Variants in WT1 observed in about 807,000 individuals in gnomAD.
WT1 encodes WT1 transcription factor.
In WT1, 8 loss-of-function variants were observed where a neutral mutation model predicts 60.8. That is an observed-to-expected ratio of 0.13 (90% confidence interval 0.08 to 0.24). The LOEUF (loss-of-function observed/expected upper bound fraction) is 0.24. Among genes scored for constraint, WT1 ranks in the 10% least tolerant of loss-of-function variants. The probability of loss-of-function intolerance (pLI) is 1.00; values close to 1 mark genes in which losing one functional copy is unlikely to be tolerated. For synonymous variants in WT1, 312 were observed against 297.1 expected (o/e 1.05, Z -0.52); for missense variants, 568 against 711.8 (o/e 0.80, Z 2.30).
At chr11:32,428,172 G>T in intron 2 of WT1, 114 bp from the exon 3 acceptor site, 1 of 1,046,062 alleles carries the variant, frequency 9.6e-7, no homozygotes, top group Non-Finnish European at 1.4e-6. Flanking sequence ...ACTGGGGCCT[G>T]GATGAGCGGC....
Position 32,435,034 on chromosome 11 carries a change from C to G in WT1, c.327G>C (p.Pro109=), listed in dbSNP as rs777059515. Reference sequence around the variant, plus strand: ...CGCCCGGGGGCGCAAAGTCCAGCACCGGCGCCCACTGCGCCGCGCCGCTCA... The same window carrying G: ...CGCCCGGGGGCGCAAAGTCCAGCACGGGCGCCCACTGCGCCGCGCCGCTCA... The change falls in exon 1 of 10, where the codon CCG becomes CCC. Residue 109 remains proline (P), a synonymous_variant. Transcript: ENST00000452863. 7 of 1,464,164 alleles carry G rather than the reference C, an allele frequency of 4.8e-6. No individual in the cohort carries two copies. The African/African-American group carries it at 7.5e-5, about 16-fold the overall frequency. The allele number at this position is 1,464,164 out of a possible 1,614,324, so 90.7% of individuals were successfully genotyped here. A position where few individuals can be genotyped will look rare whatever the true frequency, so the allele number is the denominator to read the frequency against.
At chr11:32,399,796 A>G in intron 6 of WT1, 152 bp downstream of exon 6, 5 of 831,166 alleles carry the variant, frequency 6.0e-6, no homozygotes, top group Non-Finnish European at 9.8e-6. Context: ...TATCAGACCC[A>G]GGGGACGAGC....
chr11:32,401,746 G>T (rs918334160), intron 5 of WT1, among the ~76,000 whole-genome samples: 2 of 152,052 alleles, frequency 1.3e-5, no homozygotes, highest in Non-Finnish European at 2.9e-5. Flanking sequence ...CACCATGTTG[G>T]CCAGGCCAGT....
At chr11:32,415,665 G>A (rs1358191053) in intron 5 of WT1, among the ~76,000 whole-genome samples, 1 of 152,102 alleles carries the variant, frequency 6.6e-6, no homozygotes, top group Non-Finnish European at 1.5e-5. Flanking sequence ...AAAGAGAATG[G>A]GTAGAAAGAC....
At chr11:32,419,830 A>G (rs773594384) in intron 3 of WT1, among the ~76,000 whole-genome samples, 1 of 152,206 alleles carries the variant, frequency 6.6e-6, no homozygotes, top group Non-Finnish European at 1.5e-5. Flanking sequence ...AGTAGCTGGG[A>G]CTACAGGCAT....
chr11:32,409,543 C>T (rs140258765), intron 5 of WT1, among the ~76,000 whole-genome samples: 1 of 152,112 alleles, frequency 6.6e-6, no homozygotes, highest in Non-Finnish European at 1.5e-5. Context: ...ACTGCAGCCT[C>T]AAACTCCTGG....
At position 32,434,766 on chromosome 11, in the gene WT1, T is replaced by C. The variant is rs1307678573; in HGVS notation, c.595A>G (p.Arg199Gly). The change falls in exon 1 of 10, where the codon AGG (arginine) becomes GGG (glycine). Residue 199 changes from arginine to glycine, a missense_variant. Arg to Gly is a moderately radical substitution (Grantham distance 125). Transcript: ENST00000452863. ...AGGTAGGGCGCGTTAGGAAACATCCTGGCCTGGCCGGATGACGCCTGGCTG... is the reference window on the plus strand; with the variant it reads ...AGGTAGGGCGCGTTAGGAAACATCCCGGCCTGGCCGGATGACGCCTGGCTG... 1 of 1,612,710 alleles carries C rather than the reference T, an allele frequency of 6.2e-7. No individual in the cohort carries two copies. The highest frequency in any genetic ancestry group is 8.5e-7 in the Non-Finnish European group (1 of 1,179,910).
rs139539028 is a variant in WT1 at position 32,410,183 on chromosome 11, G to A, written c.1016+6307C>T. ...TGACCTCAAGTGATCCACCTGCCTC[G>A]GCCTCCCAAAGTGCTGGGATTACAG... is the stretch of plus-strand genomic sequence containing the variant. On this transcript the variant is annotated intron_variant, in intron 5 of 9. Transcript: ENST00000452863. Among the ~76,000 whole-genome samples the A allele has an allele frequency of 5.0e-3, 766 of 152,016 alleles. 9 individuals carry two copies. Among genetic ancestry groups the A allele is most frequent in the African/African-American group, 0.017 (719 of 41,446 alleles).
intron 5 of WT1, among the ~76,000 whole-genome samples, chr11:32,402,553 C>T (rs1371621056): frequency 6.6e-6 from 1 of 152,186 alleles, no homozygotes; most frequent in Non-Finnish European, 1.5e-5. Context: ...TACACATTTT[C>T]TTTCTTTTTC....
Position 32,388,003 on chromosome 11 carries a change from A to AACAC in WT1, c.*1051_*1054dup, listed in dbSNP as rs58549495. 2,130 of 229,058 alleles carry AACAC rather than the reference A, an allele frequency of 9.3e-3. 12 individuals are homozygous for AACAC. Among genetic ancestry groups the AACAC allele is most frequent in the Non-Finnish European group, 0.012 (1,377 of 116,662 alleles). The allele number at this position is 229,058 out of a possible 1,614,324, so 14.2% of individuals were successfully genotyped here. On this transcript the variant is annotated 3_prime_UTR_variant, in exon 10 of 10. Transcript: ENST00000452863. Reference sequence around the variant, plus strand: ...TCCCTTAAAAAACAAAACACAACACAACACACACACACACACACACACACA... The same window carrying AACAC: ...TCCCTTAAAAAACAAAACACAACACAACACACACACACACACACACACACACACA...
chr11:32,432,232 T>C (rs1853336642), intron 1 of WT1, among the ~76,000 whole-genome samples: 1 of 152,202 alleles, frequency 6.6e-6, no homozygotes, highest in Non-Finnish European at 1.5e-5. Context: ...GCCCTAGGGA[T>C]CCAGAGACGG....
At position 32,400,080 on chromosome 11, in the gene WT1, G is replaced by A. The variant is rs772916500; in HGVS notation, c.1017-36C>T. The stretch of plus-strand genomic sequence containing the variant: ...AAAGAAGGGAAAAAGGCTCAGTGTG[G>A]CTCACAGTCGCCATTTGGAAATGCT... On this transcript the variant is annotated intron_variant, in intron 5 of 9. Coordinates refer to ENST00000452863, the MANE Select transcript of WT1 (RefSeq NM_024426.6). 11 of 1,607,594 alleles carry A rather than the reference G, an allele frequency of 6.8e-6. No homozygotes were observed. The South Asian group carries it at 1.1e-4, about 16-fold the overall frequency.
At chr11:32,431,800 C>T (rs774569430) in intron 1 of WT1, among the ~76,000 whole-genome samples, 7 of 152,038 alleles carry the variant, frequency 4.6e-5, no homozygotes, top group Non-Finnish European at 5.9e-5. Flanking sequence ...CTCACAAACC[C>T]GTCAACCCCC....
chr11:32,394,106 C>T (rs892635660), intron 7 of WT1, among the ~76,000 whole-genome samples: 8 of 152,112 alleles, frequency 5.3e-5, no homozygotes, highest in Non-Finnish European at 8.8e-5. Context: ...CTATATTGCC[C>T]AGGCTGGTCT....
intron 5 of WT1, among the ~76,000 whole-genome samples, chr11:32,406,781 T>G (rs1258395616): frequency 6.6e-6 from 1 of 152,114 alleles, no homozygotes; most frequent in African/African-American, 2.4e-5. Flanking sequence ...CTGAGAAAAT[T>G]TGCTTTTCCT....
chr11:32,392,524 C>G, intron 8 of WT1, 142 bp downstream of exon 8: 1 of 842,092 alleles, frequency 1.2e-6, no homozygotes, highest in Non-Finnish European at 2.0e-6. Context: ...AGGAACATCT[C>G]CAGAGATTAT....
rs1853486996 is a variant in WT1 at position 32,435,395 on chromosome 11, TG to T, written c.-36del. Reference sequence around the variant, plus strand: ...GAGGAGACGGCGGGGCCCGGGCGCCTGGGCTGCCGTCCCGGCTCTGGGTGGG... The same window carrying T: ...GAGGAGACGGCGGGGCCCGGGCGCCTGGCTGCCGTCCCGGCTCTGGGTGGG... On this transcript the variant is annotated 5_prime_UTR_variant, in exon 1 of 10. Transcript: ENST00000452863. 1.1e-5 allele frequency: 13 copies of T among 1,198,526 alleles called. No individual in the cohort carries two copies. Among genetic ancestry groups the T allele is most frequent in the Non-Finnish European group, 1.4e-5 (13 of 936,334 alleles). The allele number at this position is 1,198,526 out of a possible 1,614,324, so 74.2% of individuals were successfully genotyped here.
intron 7 of WT1, among the ~76,000 whole-genome samples, chr11:32,394,285 C>A (rs1183359952): frequency 2.6e-5 from 4 of 152,138 alleles, no homozygotes; most frequent in African/African-American, 9.7e-5. Context: ...ATTTCCTTCC[C>A]CTGCCTTTGA....
intron 3 of WT1, among the ~76,000 whole-genome samples, chr11:32,420,268 T>C (rs1370719973): frequency 3.9e-5 from 6 of 152,254 alleles, no homozygotes; most frequent in Non-Finnish European, 8.8e-5. Flanking sequence ...GTTATGTTTC[T>C]ATTGGACAGT....
Sources: allele counts gnomAD v4.1 joint callset (sites outside exome capture counted in the v4.1 genomes callset), GRCh38; gene constraint gnomAD v4.1.1; transcripts MANE v1.5; gene names NCBI Gene and HGNC (gene_info 2026-07-23, HGNC 2026-07-21).